Variants in LRP1B observed in about 807,000 individuals in gnomAD.
LRP1B encodes the protein LDL receptor related protein 1B, also known as low-density lipoprotein receptor-related protein 1B.
LRP1B carries 217 observed loss-of-function variants against 556.6 expected under a neutral mutation model. That is an observed-to-expected ratio of 0.39 (90% CI 0.35 to 0.44). The LOEUF (loss-of-function observed/expected upper bound fraction) is 0.44. LRP1B is among the 20% of genes least tolerant of loss of function. LRP1B has a pLI of 1.00. For synonymous variants in LRP1B, 2,047 were observed against 1,865.8 expected (o/e 1.10, Z -2.50); for missense variants, 5,053 against 5,620.8 (o/e 0.90, Z 3.23).
chr2:140,470,967 G>T (rs796951068), intron 60 of LRP1B, among the ~76,000 whole-genome samples: 3 of 152,250 alleles, frequency 2.0e-5, no homozygotes, highest in South Asian at 4.1e-4. Context: ...CAGCAAAGGC[G>T]TATTACTTCT....
In LRP1B at chr2:141,219,044, G is replaced by A. The variant is rs58224620; in HGVS notation, c.850+10139C>T. Among the ~76,000 whole-genome samples, 788 of 152,296 alleles carry A rather than the reference G, an allele frequency of 5.2e-3. 4 individuals are homozygous for A. The highest frequency in any genetic ancestry group is 0.018 in the African/African-American group (758 of 41,578). On this transcript the variant is annotated intron_variant, in intron 6 of 90. Transcript: ENST00000389484. The stretch of plus-strand genomic sequence containing the variant: ...GTGAGTAACTGTGCTGCCCTGCCTG[G>A]GAAACCGCATTCTTTCTTCAGATCT...
intron 1 of LRP1B, among the ~76,000 whole-genome samples, chr2:142,115,171 C>T (rs1471146978): frequency 1.3e-5 from 2 of 151,446 alleles, no homozygotes; most frequent in Non-Finnish European, 2.9e-5. Context: ...AGAGTGCATT[C>T]AGTTAGAAGT....
intron 49 of LRP1B, among the ~76,000 whole-genome samples, chr2:140,525,465 A>G (rs116730979): frequency 0.027 from 4,177 of 152,006 alleles, 119 homozygotes; most frequent in Non-Finnish European, 0.04. Flanking sequence ...ATTGCTGTAC[A>G]ATAACACTGA....
chr2:141,374,824 C>T (rs370340893), intron 3 of LRP1B, among the ~76,000 whole-genome samples: 17 of 152,174 alleles, frequency 1.1e-4, no homozygotes, highest in South Asian at 2.1e-4. Context: ...TCACATTGAG[C>T]GTCTTTAAAG....
chr2:142,092,095 C>A (rs892232843), intron 1 of LRP1B, among the ~76,000 whole-genome samples: 5 of 152,136 alleles, frequency 3.3e-5, no homozygotes, highest in African/African-American at 1.2e-4. Flanking sequence ...AACCCCTGTG[C>A]CATCTCCACG....
chr2:140,638,233 A>G (rs1187011415), intron 41 of LRP1B, among the ~76,000 whole-genome samples: 2 of 152,208 alleles, frequency 1.3e-5, no homozygotes, highest in African/African-American at 4.8e-5. Flanking sequence ...GAGCTGAGGT[A>G]TGATGTAGTT....
intron 1 of LRP1B, among the ~76,000 whole-genome samples, chr2:141,824,400 C>T (rs1696855177): frequency 6.6e-6 from 1 of 152,166 alleles, no homozygotes; most frequent in Admixed American, 6.6e-5. Context: ...CTGGGTTTTA[C>T]CCAGGCTGGA....
At chr2:140,922,935 C>A (rs1205528449) in intron 21 of LRP1B, 30 bp downstream of exon 21, 1 of 1,598,404 alleles carries the variant, frequency 6.3e-7, no homozygotes, top group Non-Finnish European at 8.5e-7. Flanking sequence ...CAGGGAGACC[C>A]AATAGAAGCC....
intron 1 of LRP1B, among the ~76,000 whole-genome samples, chr2:141,974,354 C>T (rs774196890): frequency 1.4e-4 from 21 of 151,934 alleles, no homozygotes; most frequent in African/African-American, 2.9e-4. Context: ...TCATACTGTC[C>T]TCAACTATGT....
intron 1 of LRP1B, among the ~76,000 whole-genome samples, chr2:141,828,091 T>G (rs1173598407): frequency 1.3e-5 from 2 of 152,148 alleles, no homozygotes; most frequent in Non-Finnish European, 2.9e-5. Context: ...ACTTTGAAAT[T>G]TCCACTGCAT....
chr2:141,258,270 G>C (rs935020014), intron 3 of LRP1B, among the ~76,000 whole-genome samples: 5 of 152,114 alleles, frequency 3.3e-5, no homozygotes, highest in Admixed American at 6.5e-5. Context: ...TGGATCACAA[G>C]GTCAAGAGAT....
At chr2:140,607,503 A>C (rs1323630625) in intron 41 of LRP1B, among the ~76,000 whole-genome samples, 1 of 152,080 alleles carries the variant, frequency 6.6e-6, no homozygotes, top group Non-Finnish European at 1.5e-5. Flanking sequence ...TAATAACCAA[A>C]AGAAGAAACA....
chr2:142,017,999 A>T (rs186580298), intron 1 of LRP1B, among the ~76,000 whole-genome samples: 170 of 145,970 alleles, frequency 1.2e-3, no homozygotes, highest in African/African-American at 4.2e-3. Flanking sequence ...CATTTTACCT[A>T]CAAACCATGA....
intron 68 of LRP1B, among the ~76,000 whole-genome samples, chr2:140,374,325 C>G (rs1274062381): frequency 6.6e-6 from 1 of 152,088 alleles, no homozygotes; most frequent in South Asian, 2.1e-4. Flanking sequence ...TGTGGAACTC[C>G]TAGCAAGTAA....
At chr2:141,849,858 A>T (rs972152143) in intron 1 of LRP1B, among the ~76,000 whole-genome samples, 1 of 151,662 alleles carries the variant, frequency 6.6e-6, no homozygotes, top group African/African-American at 2.4e-5. Flanking sequence ...CATTTATGAG[A>T]TTTCTCTTTA....
intron 1 of LRP1B, among the ~76,000 whole-genome samples, chr2:142,005,102 A>G (rs935282443): frequency 2.7e-5 from 4 of 148,348 alleles, no homozygotes; most frequent in African/African-American, 9.8e-5. Flanking sequence ...CTATATATTT[A>G]TTAGTTATTT....
chr2:140,665,981 TA>T (rs200495496), intron 41 of LRP1B, among the ~76,000 whole-genome samples: 53 of 138,188 alleles, frequency 3.8e-4, no homozygotes, highest in Admixed American at 6.6e-4. Flanking sequence ...TTCAGTGGAG[TA>T]AAAAAAAAAA....
intron 18 of LRP1B, among the ~76,000 whole-genome samples, chr2:140,980,746 T>C (rs1190472123): frequency 6.6e-6 from 1 of 152,186 alleles, no homozygotes; most frequent in Non-Finnish European, 1.5e-5. Context: ...ACTGGGTATC[T>C]ACCCAAAGGA....
intron 3 of LRP1B, among the ~76,000 whole-genome samples, chr2:141,461,323 A>G (rs1438788000): frequency 3.3e-5 from 5 of 152,192 alleles, no homozygotes; most frequent in Middle Eastern, 3.2e-3. Flanking sequence ...AAATTGACCA[A>G]TGGTTATACC....
Sources: gnomAD v4.1 joint callset for allele counts (sites outside exome capture counted in the v4.1 genomes callset) on GRCh38, gnomAD v4.1.1 for gene constraint, MANE v1.5 for transcripts, NCBI Gene and HGNC (gene_info 2026-07-23, HGNC 2026-07-21) for gene names.